The following MYOM2 variants were observed in gnomAD, a reference collection of about 807,000 sequenced individuals.
MYOM2 encodes myomesin-2.
MYOM2 carries 254 observed loss-of-function variants against 187.6 expected under a neutral mutation model. The ratio of observed to expected loss-of-function variants is 1.35; its 90% CI spans 1.22 to 1.50. The LOEUF (loss-of-function observed/expected upper bound fraction) is 1.50, where lower values mean the gene tolerates loss of function less well. Among genes scored for constraint, MYOM2 ranks in the 40% most tolerant of loss-of-function variants. The pLI is 0.00. For missense variants in MYOM2, 2,796 were observed against 1,924.0 expected, an observed-to-expected ratio of 1.45 and a Z score of -8.48; for synonymous variants, 981 against 753.8, an observed-to-expected ratio of 1.30 and a Z score of -4.94.
At chr8:2,143,220 C>T (rs1798339196) in intron 35 of MYOM2, 181 bp from the exon 36 acceptor site, 6 of 688,236 alleles carry the variant, frequency 8.7e-6, no homozygotes, top group Non-Finnish European at 1.6e-5. Context: ...CATCTACCTT[C>T]CCTTGGCTTT....
intron 32 of MYOM2, among the ~76,000 whole-genome samples, chr8:2,135,259 T>G (rs114500371): frequency 0.022 from 3,362 of 152,216 alleles, 116 homozygotes; most frequent in African/African-American, 0.077. Flanking sequence ...ATTAATTCCT[T>G]TCATCTTTAG....
At chr8:2,066,612 C>G (rs1819028109) in intron 6 of MYOM2, among the ~76,000 whole-genome samples, 1 of 152,182 alleles carries the variant, frequency 6.6e-6, no homozygotes, top group Non-Finnish European at 1.5e-5. Context: ...GCCCACGGGT[C>G]CTGCAGAGAA....
chr8:2,140,695 CA>C, intron 32 of MYOM2, 27 bp from the exon 33 acceptor site: 1 of 1,610,952 alleles, frequency 6.2e-7, no homozygotes, highest in Admixed American at 1.7e-5. Flanking sequence ...GACCCTAACT[CA>C]GATACGTTCC....
intron 8 of MYOM2, among the ~76,000 whole-genome samples, chr8:2,072,041 C>G (rs578245347): frequency 6.6e-6 from 1 of 152,218 alleles, no homozygotes; most frequent in Admixed American, 6.5e-5. Flanking sequence ...GTGTGGAGCA[C>G]GGACCTGGCT....
At chr8:2,122,677 C>T (rs1014998877) in intron 28 of MYOM2, among the ~76,000 whole-genome samples, 4 of 152,148 alleles carry the variant, frequency 2.6e-5, no homozygotes, top group African/African-American at 4.8e-5. Context: ...AGACCAATGC[C>T]GGAGCATGTG....
rs183379036 is a variant in MYOM2, at chr8:2,089,983, G to T, written c.1645-25G>T. On this transcript the variant is annotated intron_variant, in intron 14 of 36. Transcript: ENST00000262113. ...GGGGACCTCGCGGTTTTCACTGCCA[G>T]TCTCGTTTCTGTTTCTCTTTGTAGT... The T allele has an allele frequency of 9.3e-6, 15 of 1,611,030 alleles. No homozygotes were observed. In the African/African-American group the frequency reaches 1.2e-4, roughly 13 times the overall value.
At chr8:2,056,829 A>G (rs758458576) in intron 3 of MYOM2, among the ~76,000 whole-genome samples, 2 of 152,162 alleles carry the variant, frequency 1.3e-5, no homozygotes, top group Non-Finnish European at 2.9e-5. Context: ...GAAAGCATCA[A>G]GCCGTTTATC....
intron 24 of MYOM2, among the ~76,000 whole-genome samples, chr8:2,109,056 A>G (rs1213628716): frequency 6.6e-6 from 1 of 152,222 alleles, no homozygotes; most frequent in Non-Finnish European, 1.5e-5. Context: ...TGGGTTTAGT[A>G]TAGCTGTTGC....
Position 2,114,047 on chromosome 8 carries a change from C to T in MYOM2, c.3181-1913C>T, listed in dbSNP as rs116963218. 5.6e-3 allele frequency among the ~76,000 whole-genome samples: 858 copies of T among 152,224 alleles called. 16 individuals carry two copies. Among genetic ancestry groups the T allele is most frequent in the East Asian group, 0.048 (248 of 5,138 alleles). ...GGGAAGGGAGGCAGAGCTGTGGAAA[C>T]CCCATAAAACACCAAGCCTCACCCG... On this transcript the variant is annotated intron_variant, in intron 25 of 36. Transcript: ENST00000262113.
intron 16 of MYOM2, among the ~76,000 whole-genome samples, chr8:2,093,249 GA>G (rs1212411316): frequency 2.6e-5 from 4 of 152,306 alleles, no homozygotes; most frequent in African/African-American, 9.6e-5. Context: ...ATAACAATTA[GA>G]TGTTCTTCAC....
Position 2,116,069 on chromosome 8 carries a change from C to G in MYOM2, c.3290C>G (p.Ala1097Gly), listed in dbSNP as rs1797232564. 6.2e-7 allele frequency: 1 copy of G among 1,613,630 alleles called. No homozygotes were observed. The highest frequency in any genetic ancestry group is 1.3e-5 in the African/African-American group (1 of 74,852). Residue 1097 changes from alanine to glycine, a missense_variant, in exon 26 of 37, where the codon GCC (alanine) becomes GGC (glycine). Transcript: ENST00000262113. ...ACTGTGCAGATTCATGATGGGAAAG[C>G]CAAAAGTCAGTCTTCTCTAGTTCTT... The part of the protein sequence containing the change: ...TYTVQIHDGK[A>G]KSQSSLVLIG...
chr8:2,084,351 G>T (rs1819735104), intron 13 of MYOM2, among the ~76,000 whole-genome samples: 2 of 152,208 alleles, frequency 1.3e-5, no homozygotes, highest in Admixed American at 6.5e-5. Flanking sequence ...ACCCAGTCTT[G>T]CTTTGTACTA....
chr8:2,061,297 T>A (rs966559591), intron 6 of MYOM2, among the ~76,000 whole-genome samples: 6 of 151,706 alleles, frequency 4.0e-5, no homozygotes, highest in Non-Finnish European at 8.8e-5. Context: ...TCCAGCCCAG[T>A]GTTTAGTGAG....
chr8:2,111,837 T>A (rs1797078146), intron 25 of MYOM2, among the ~76,000 whole-genome samples: 1 of 152,244 alleles, frequency 6.6e-6, no homozygotes, highest in African/African-American at 2.4e-5. Flanking sequence ...GATGTACCAA[T>A]TTCCTGTGCC....
intron 15 of MYOM2, among the ~76,000 whole-genome samples, 161 bp from the exon 16 acceptor site, chr8:2,092,185 C>T (rs1014357098): frequency 5.3e-5 from 8 of 151,788 alleles, no homozygotes; most frequent in Non-Finnish European, 7.4e-5. Context: ...CTCGGGTGGT[C>T]GGCCCGGGGC....
intron 16 of MYOM2, among the ~76,000 whole-genome samples, chr8:2,092,988 G>T (rs903334899): frequency 2.6e-5 from 4 of 152,150 alleles, no homozygotes; most frequent in Non-Finnish European, 5.9e-5. Context: ...GGGGGATGCT[G>T]GTTGCTTTGC....
rs145237063 is a variant in MYOM2, at chr8:2,089,149, T to A, written c.1645-859T>A. Among the ~76,000 whole-genome samples, 316 of 135,058 alleles carry A rather than the reference T, an allele frequency of 2.3e-3. 1 individual carries two copies. Among genetic ancestry groups the A allele is most frequent in the African/African-American group, 7.6e-3 (305 of 40,236 alleles). The allele number at this position is 135,058 out of a possible 152,430, so 88.6% of individuals were successfully genotyped here. The stretch of plus-strand genomic sequence containing the variant: ...GCAGGCTTACCAGGGTCAGTGTATA[T>A]CCAACTTTTACTACCACAAAACTAC... On this transcript the variant is annotated intron_variant, in intron 14 of 36. Coordinates refer to ENST00000262113, the MANE Select transcript of MYOM2 (RefSeq NM_003970.4).
At chr8:2,127,280 A>G (rs534384332) in intron 31 of MYOM2, among the ~76,000 whole-genome samples, 5 of 152,012 alleles carry the variant, frequency 3.3e-5, no homozygotes, top group Admixed American at 2.6e-4. Flanking sequence ...TGGGGAGGGG[A>G]GATGGTGGTC....
At position 2,136,423 on chromosome 8, in the gene MYOM2, C is replaced by T. The variant is rs13272421; in HGVS notation, c.3801-4300C>T. On this transcript the variant is annotated intron_variant, in intron 32 of 36. Coordinates refer to ENST00000262113, the MANE Select transcript of MYOM2 (RefSeq NM_003970.4). ...GTGGGCCAGTGTGTGATTTGGTGTCCAGTGGACACCATTCCTTCATTACAG... is the reference window on the plus strand; with the variant it reads ...GTGGGCCAGTGTGTGATTTGGTGTCTAGTGGACACCATTCCTTCATTACAG... Among the ~76,000 whole-genome samples, 933 of 152,290 alleles carry T rather than the reference C, an allele frequency of 6.1e-3. 2 individuals carry two copies. The highest frequency in any genetic ancestry group is 0.01 in the Non-Finnish European group (686 of 68,012).
Sources: gnomAD v4.1 joint callset for allele counts (sites outside exome capture counted in the v4.1 genomes callset) on GRCh38, gnomAD v4.1.1 for gene constraint, MANE v1.5 for transcripts, NCBI Gene and HGNC (gene_info 2026-07-23, HGNC 2026-07-21) for gene names.